PC: variants seen among roughly 807,000 people sequenced by gnomAD.
PC encodes pyruvate carboxylase.
Under a neutral mutation model 107.8 loss-of-function variants are expected in PC, and 46 were observed. The ratio of observed to expected loss-of-function variants is 0.43; its 90% CI spans 0.34 to 0.55. PC has a LOEUF of 0.55. Ranked by LOEUF, PC falls within the 20% of genes least tolerant of loss-of-function variation. The pLI, the probability that PC is intolerant of heterozygous loss-of-function variation, is 0.04. For missense variants in PC, 1,241 were observed against 1,643.1 expected (o/e 0.76, Z 4.23); for synonymous variants, 662 against 684.7 (o/e 0.97, Z 0.52).
At chr11:66,907,266 G>A (rs181039553) in intron 3 of PC, among the ~76,000 whole-genome samples, 85 of 152,336 alleles carry the variant, frequency 5.6e-4, no homozygotes, top group African/African-American at 1.9e-3. Flanking sequence ...AGTGGTTCAC[G>A]CCTGTAATCC....
chr11:66,869,696 C>T (rs1364091385), intron 9 of PC, among the ~76,000 whole-genome samples: 1 of 152,120 alleles, frequency 6.6e-6, no homozygotes, highest in Admixed American at 6.5e-5. Context: ...GCCTATAGGC[C>T]AGGGAAGAAG....
chr11:66,900,497 G>A (rs1488683195), intron 3 of PC, among the ~76,000 whole-genome samples: 8 of 152,002 alleles, frequency 5.3e-5, no homozygotes, highest in Non-Finnish European at 8.8e-5. Flanking sequence ...GGTTGTTCTG[G>A]TTCCCTTACA....
chr11:66,883,031 AGGCTCAGCTGTCCG>A lies in PC; in HGVS notation c.1-10886_1-10873del, dbSNP rs565155084. The stretch of plus-strand genomic sequence containing the variant: ...ACAGACACAGCACGGGTGCTCGCCG[AGGCTCAGCTGTCCG>A]GGCTCTGGGCCCCCAGGAGCGCCGG... On this transcript the variant is annotated intron_variant, in intron 3 of 22. Transcript: ENST00000393960. 1.7e-3 allele frequency among the ~76,000 whole-genome samples: 253 copies of A among 152,282 alleles called. 2 individuals carry two copies. The highest frequency in any genetic ancestry group is 5.8e-3 in the African/African-American group (240 of 41,544).
intron 10 of PC, among the ~76,000 whole-genome samples, chr11:66,868,508 G>A (rs534918071): frequency 1.5e-4 from 23 of 152,296 alleles, no homozygotes; most frequent in South Asian, 8.3e-4. Flanking sequence ...GGGTTCCAGC[G>A]CCAGCTGTGT....
At position 66,871,214 on chromosome 11, in the gene PC, G is replaced by C. The variant is rs915471244; in HGVS notation, c.488-17C>G. On this transcript the variant is annotated splice_polypyrimidine_tract_variant and intron_variant, in intron 6 of 22. Coordinates refer to ENST00000393960, the MANE Select transcript of PC (RefSeq NM_001040716.2). This position sits in a 1 kb window ranked among gnomAD's most constrained non-coding sequence, Gnocchi z 7.4. ...CGGGAACACCTGTTGGGAGAAAGGTGTGGGGGAGTCTCTGTAACAGGCGGG... is the reference window on the plus strand; with the variant it reads ...CGGGAACACCTGTTGGGAGAAAGGTCTGGGGGAGTCTCTGTAACAGGCGGG... 1 of 1,612,992 alleles carries C rather than the reference G, an allele frequency of 6.2e-7. No homozygotes were observed. The highest frequency in any genetic ancestry group is 8.5e-7 in the Non-Finnish European group (1 of 1,179,290).
chr11:66,918,930 TC>T (rs1948529255), intron 3 of PC, among the ~76,000 whole-genome samples: 1 of 151,968 alleles, frequency 6.6e-6, no homozygotes, highest in African/African-American at 2.4e-5. Flanking sequence ...CAGAAGTTCC[TC>T]TAATAGGGCA....
Position 66,864,814 on chromosome 11 carries a change from C to G in PC, c.1186-858G>C, listed in dbSNP as rs1460890862. On this transcript the variant is annotated intron_variant, in intron 11 of 22. Coordinates refer to ENST00000393960, the MANE Select transcript of PC (RefSeq NM_001040716.2). ...GTTCGTGCCGCCCGAGTGAGCCCCG[C>G]AGAGAAGGGCTCCCCGGAGGTGGGG... 2.0e-5 allele frequency among the ~76,000 whole-genome samples: 3 copies of G among 152,186 alleles called. No individual in the cohort carries two copies. The East Asian group carries it at 5.8e-4, about 29-fold the overall frequency.
chr11:66,850,035 G>A lies in PC; in HGVS notation c.2800C>T (p.Gln934Ter). The A allele has an allele frequency of 6.2e-7, 1 of 1,613,702 alleles. No homozygotes were observed. The highest frequency in any genetic ancestry group is 1.1e-5 in the South Asian group (1 of 91,088). Residue 934 changes from glutamine to a stop codon, truncating the protein, a stop_gained, in exon 20 of 23, where the codon CAG becomes TAG. Transcript: ENST00000393960. LOFTEE classifies it high-confidence loss of function. ...NGLSRAEAEA[Q>*]AEELSFPRSV... is the part of the protein sequence containing the mutation. ...CGGGGAAAGGACAGCTCTTCCGCCT[G>A]AGCTTCGGCCTCTGCCCGGCTCAAT...
At chr11:66,919,832 A>T (rs1225644396) in intron 3 of PC, 2 of 152,238 alleles carry the variant, frequency 1.3e-5, no homozygotes, top group Non-Finnish European at 2.9e-5. Flanking sequence ...CATTAAAAAT[A>T]AAAACAAAAA....
intron 3 of PC, among the ~76,000 whole-genome samples, chr11:66,901,318 G>A (rs1360267298): frequency 3.3e-5 from 5 of 152,112 alleles, no homozygotes; most frequent in Non-Finnish European, 2.9e-5. Flanking sequence ...GGTAGGAGGC[G>A]GTGGAGAGAG....
At chr11:66,953,409 A>T (rs1267381330) in intron 2 of PC, among the ~76,000 whole-genome samples, 2 of 151,724 alleles carry the variant, frequency 1.3e-5, no homozygotes, top group Non-Finnish European at 2.9e-5. Context: ...TCCTGCAGAG[A>T]CCCCTCTCTG....
rs1183938300 is a variant in PC at position 66,852,338 on chromosome 11, G to A, written c.1825+101C>T. ...CGGTCCTTCCTCTTTGGTGTTCTTC[G>A]TGTCAGCGTCTCTAGCTTGTCCCCA... On this transcript the variant is annotated intron_variant, in intron 15 of 22. Transcript: ENST00000393960. This position sits in a 1 kb window ranked among gnomAD's most constrained non-coding sequence, Gnocchi z 4.7. 83 of 992,422 alleles carry A rather than the reference G, an allele frequency of 8.4e-5. 1 individual carries two copies. Among genetic ancestry groups the A allele is most frequent in the East Asian group, 6.0e-4 (25 of 41,534 alleles). The allele number at this position is 992,422 out of a possible 1,614,324, so 61.5% of individuals were successfully genotyped here. A position where few individuals can be genotyped will look rare whatever the true frequency, so the allele number is the denominator to read the frequency against.
At chr11:66,954,524 G>T (rs1256716464) in intron 1 of PC, 88 bp from the exon 2 acceptor site, 2 of 152,304 alleles carry the variant, frequency 1.3e-5, no homozygotes, top group Non-Finnish European at 2.9e-5. Flanking sequence ...TGTGAAGGAG[G>T]CCTCTGGGTG....
chr11:66,897,036 A>T (rs578192436), intron 3 of PC, among the ~76,000 whole-genome samples: 16 of 152,060 alleles, frequency 1.1e-4, no homozygotes, highest in Non-Finnish European at 2.9e-5. Context: ...GATTCAAGAG[A>T]TTCTCATGCC....
chr11:66,868,806 G>A lies in PC; in HGVS notation c.1022+40C>T, dbSNP rs769745066. Reference sequence around the variant, plus strand: ...TCGCCTGTACTTTATGCAAATCCTAGAAGCCGCGCCTCCCGCCCCGCCTGC... The same window carrying A: ...TCGCCTGTACTTTATGCAAATCCTAAAAGCCGCGCCTCCCGCCCCGCCTGC... On this transcript the variant is annotated intron_variant, in intron 10 of 22. Transcript: ENST00000393960. 21 of 1,521,574 alleles carry A rather than the reference G, an allele frequency of 1.4e-5. No individual in the cohort carries two copies. In the South Asian group the frequency reaches 2.2e-4, roughly 16 times the overall value. 94.3% of individuals were successfully genotyped at this position (1,521,574 alleles called of 1,614,324 possible).
At chr11:66,856,225 G>A (rs567645334) in intron 12 of PC, among the ~76,000 whole-genome samples, 3 of 152,376 alleles carry the variant, frequency 2.0e-5, no homozygotes, top group East Asian at 1.9e-4. Flanking sequence ...GCGACAGAGC[G>A]GGAGGGAGGG....
At chr11:66,893,119 G>A (rs769573723) in intron 3 of PC, among the ~76,000 whole-genome samples, 1 of 152,188 alleles carries the variant, frequency 6.6e-6, no homozygotes, top group Non-Finnish European at 1.5e-5. Context: ...CAGCTGCACC[G>A]TGTCAGTGAG....
At chr11:66,948,923 T>G (rs963689485) in intron 3 of PC, among the ~76,000 whole-genome samples, 1 of 152,010 alleles carries the variant, frequency 6.6e-6, no homozygotes, top group African/African-American at 2.4e-5. Context: ...TTTATTAGAT[T>G]TACAAGAGTC....
chr11:66,924,369 C>CAGAAAAAAAAAA (rs1948664771), intron 3 of PC, among the ~76,000 whole-genome samples: 1 of 65,590 alleles, frequency 1.5e-5, no homozygotes, highest in Non-Finnish European at 2.9e-5. Flanking sequence ...CCATCTCTAC[C>CAGAAAAAAAAAA]AAAAAAAAAA....
Sources: gnomAD v4.1 joint callset for allele counts (sites outside exome capture counted in the v4.1 genomes callset) on GRCh38, gnomAD v4.1.1 for gene constraint, Gnocchi (gnomAD v3.1) non-coding constraint, MANE v1.5 for transcripts, NCBI Gene and HGNC (gene_info 2026-07-23, HGNC 2026-07-21) for gene names.